Variants in NUP210 observed in about 807,000 individuals in gnomAD.
NUP210 encodes the protein nucleoporin 210, also known as nuclear pore membrane glycoprotein 210.
Under a neutral mutation model 196.0 loss-of-function variants are expected in NUP210, and 151 were observed. That is an observed-to-expected ratio of 0.77 (90% CI 0.67 to 0.88). NUP210 has a LOEUF of 0.88. NUP210 is among the 40% of genes least tolerant of loss of function. NUP210 has a pLI of 0.00. For synonymous variants in NUP210, 1,070 were observed against 1,052.7 expected, an observed-to-expected ratio of 1.02 and a Z score of -0.32; for missense variants, 2,314 against 2,493.7, an observed-to-expected ratio of 0.93 and a Z score of 1.53.
At chr3:13,320,953 G>A (rs1696501397) in intron 36 of NUP210, among the ~76,000 whole-genome samples, 1 of 151,436 alleles carries the variant, frequency 6.6e-6, no homozygotes, top group Non-Finnish European at 1.5e-5. Flanking sequence ...CTCCAAGGTA[G>A]CAGCCCGAGC....
intron 1 of NUP210, among the ~76,000 whole-genome samples, chr3:13,405,488 C>T (rs1464765643): frequency 6.6e-6 from 1 of 151,980 alleles, no homozygotes; most frequent in Non-Finnish European, 1.5e-5. Flanking sequence ...CTCTCATATA[C>T]ATATGAGGGG....
intron 1 of NUP210, among the ~76,000 whole-genome samples, chr3:13,415,815 T>G (rs775409968): frequency 6.6e-6 from 1 of 152,154 alleles, no homozygotes; most frequent in Non-Finnish European, 1.5e-5. Context: ...AGAAGCCAGC[T>G]AGGCCAGATG....
In NUP210 at chr3:13,376,289, G is replaced by T. The variant is rs1225420533; in HGVS notation, c.1293+2C>A. 2 of 1,613,302 alleles carry T rather than the reference G, an allele frequency of 1.2e-6. No homozygotes were observed. Among genetic ancestry groups the T allele is most frequent in the South Asian group, 1.1e-5 (1 of 91,040 alleles). On this transcript the variant is annotated splice_donor_variant, in intron 10 of 39. Transcript: ENST00000254508. LOFTEE classifies it high-confidence loss of function. ...CACGACGCAGGGGAGACACCAACTT[G>T]CCTGGTCCACCACAGAGGTGAGGGC...
chr3:13,326,977 C>T (rs1013137960), intron 32 of NUP210, among the ~76,000 whole-genome samples: 11 of 152,260 alleles, frequency 7.2e-5, no homozygotes, highest in Non-Finnish European at 1.5e-4. Context: ...AGGGTGACAA[C>T]AGCCACTGAC....
chr3:13,418,739 G>T (rs1167694398), intron 1 of NUP210, among the ~76,000 whole-genome samples: 2 of 151,846 alleles, frequency 1.3e-5, no homozygotes, highest in African/African-American at 4.8e-5. Context: ...AGTGGACAGA[G>T]ATCGCGCCAT....
intron 6 of NUP210, among the ~76,000 whole-genome samples, chr3:13,380,304 T>TC (rs781536367): frequency 5.9e-5 from 9 of 152,100 alleles, no homozygotes; most frequent in Non-Finnish European, 1.3e-4. Flanking sequence ...TCGATGTACA[T>TC]CTTCCTTGCT....
At chr3:13,393,542 G>T (rs1303002226) in intron 3 of NUP210, among the ~76,000 whole-genome samples, 3 of 152,240 alleles carry the variant, frequency 2.0e-5, no homozygotes, top group Non-Finnish European at 2.9e-5. Context: ...AGAACACAGG[G>T]ACCCTCGTTC....
intron 27 of NUP210, 83 bp from the exon 28 acceptor site, chr3:13,335,695 G>A: frequency 6.8e-7 from 1 of 1,480,520 alleles, no homozygotes; most frequent in Non-Finnish European, 9.2e-7. Context: ...AGTAGCCCCA[G>A]ACCCCCCAGC....
intron 3 of NUP210, among the ~76,000 whole-genome samples, chr3:13,392,391 A>G (rs1699519695): frequency 6.6e-6 from 1 of 152,196 alleles, no homozygotes; most frequent in Admixed American, 6.5e-5. Flanking sequence ...GATCAGAGGA[A>G]GACAACCCCC....
intron 20 of NUP210, among the ~76,000 whole-genome samples, chr3:13,346,103 A>G (rs1356715201): frequency 6.6e-6 from 1 of 152,256 alleles, no homozygotes; most frequent in African/African-American, 2.4e-5. Flanking sequence ...GGGGAAATCA[A>G]TTGCTCTTCC....
chr3:13,405,523 T>C (rs1432737846), intron 1 of NUP210, among the ~76,000 whole-genome samples: 1 of 152,136 alleles, frequency 6.6e-6, no homozygotes, highest in Non-Finnish European at 1.5e-5. Context: ...TATATATATA[T>C]AGGCTATATA....
chr3:13,370,556 C>A (rs1249039866), intron 13 of NUP210, among the ~76,000 whole-genome samples: 1 of 152,162 alleles, frequency 6.6e-6, no homozygotes, highest in Non-Finnish European at 1.5e-5. Flanking sequence ...CCCTCCAGGA[C>A]GGTTGTGGCA....
At chr3:13,335,704 G>A in intron 27 of NUP210, 92 bp from the exon 28 acceptor site, 6 of 1,408,948 alleles carry the variant, frequency 4.3e-6, no homozygotes, top group Non-Finnish European at 4.9e-6. Flanking sequence ...AGACCCCCCA[G>A]CCCCCCAGTC....
At position 13,360,454 on chromosome 3, in the gene NUP210, C is replaced by T; in HGVS notation, c.1970G>A (p.Gly657Asp). 1 of 1,612,732 alleles carries T rather than the reference C, an allele frequency of 6.2e-7. No homozygotes were observed. Among genetic ancestry groups the T allele is most frequent in the Non-Finnish European group, 8.5e-7 (1 of 1,179,454 alleles). The change falls in exon 15 of 40, where the codon GGC becomes GAC. Residue 657 changes from glycine to aspartate, a missense_variant. By Grantham distance (94) the Gly-to-Asp change is moderately conservative. Transcript: ENST00000254508. ...DPSSVALVTL[G>D]SSKEMLFEGG... ...TTCAAACAGCATCTCCTTTGAGGAG[C>T]CCAGGGTTACCAAGGCAACAGAGGA... is the stretch of plus-strand genomic sequence containing the variant.
chr3:13,347,684 T>C lies in NUP210; in HGVS notation c.2835+4195A>G, dbSNP rs1038355095. Among the ~76,000 whole-genome samples the C allele has an allele frequency of 1.3e-5, 2 of 152,178 alleles. No individual in the cohort carries two copies. Among genetic ancestry groups the C allele is most frequent in the Non-Finnish European group, 2.9e-5 (2 of 68,030 alleles). ...AAAGAAACCCTTTCTCTGAGCTAAC[T>C]GGGGAGCGCTGGGGGCTTGTCTATC... is the stretch of plus-strand genomic sequence containing the variant. On this transcript the variant is annotated intron_variant, in intron 20 of 39. Coordinates refer to ENST00000254508, the MANE Select transcript of NUP210 (RefSeq NM_024923.4). The surrounding 1 kb of genome is among the most constrained non-coding windows in gnomAD (Gnocchi z 4.7).
chr3:13,349,848 G>C lies in NUP210; in HGVS notation c.2835+2031C>G, dbSNP rs562883899. Among the ~76,000 whole-genome samples, 10 of 152,344 alleles carry C rather than the reference G, an allele frequency of 6.6e-5. No homozygotes were observed. In the South Asian group the frequency reaches 1.2e-3, roughly 19 times the overall value. On this transcript the variant is annotated intron_variant, in intron 20 of 39. Coordinates refer to ENST00000254508, the MANE Select transcript of NUP210 (RefSeq NM_024923.4). ...GAGGTGTGGGCTACACTGGAGGCCGGCAAGTTTGCCAGAGACAAACGGAAA... is the reference window on the plus strand; with the variant it reads ...GAGGTGTGGGCTACACTGGAGGCCGCCAAGTTTGCCAGAGACAAACGGAAA...
At chr3:13,377,149 G>A (rs1439480058) in intron 9 of NUP210, among the ~76,000 whole-genome samples, 5 of 152,184 alleles carry the variant, frequency 3.3e-5, no homozygotes, top group South Asian at 4.1e-4. Flanking sequence ...AAAAGGGGGC[G>A]GGAGAGTGGC....
At chr3:13,386,967 C>T (rs965184788) in intron 5 of NUP210, among the ~76,000 whole-genome samples, 1 of 152,242 alleles carries the variant, frequency 6.6e-6, no homozygotes, top group Admixed American at 6.5e-5. Flanking sequence ...CTAGTGCACC[C>T]TTAGGTACTG....
chr3:13,376,606 C>T (rs1462537425), intron 9 of NUP210, among the ~76,000 whole-genome samples, 175 bp from the exon 10 acceptor site: 2 of 152,206 alleles, frequency 1.3e-5, no homozygotes, highest in Non-Finnish European at 2.9e-5. Flanking sequence ...GAACAGAGGT[C>T]TGATCACTAT....
Sources: allele counts gnomAD v4.1 joint callset (sites outside exome capture counted in the v4.1 genomes callset), GRCh38; gene constraint gnomAD v4.1.1; non-coding constraint Gnocchi (gnomAD v3.1); transcripts MANE v1.5; gene names NCBI Gene and HGNC (gene_info 2026-07-23, HGNC 2026-07-21).